Variants in RBFOX1 observed in about 807,000 individuals in gnomAD.
The protein encoded by RBFOX1 is RNA binding fox-1 homolog 1.
Under a neutral mutation model 57.7 loss-of-function variants are expected in RBFOX1, and 8 were observed. The ratio of observed to expected loss-of-function variants is 0.14; its 90% CI spans 0.08 to 0.25. RBFOX1 has a LOEUF of 0.25. Among genes scored for constraint, RBFOX1 ranks in the 10% least tolerant of loss-of-function variants. The pLI, the probability that RBFOX1 is intolerant of heterozygous loss-of-function variation, is 1.00. For synonymous variants in RBFOX1, 326 were observed against 222.4 expected (o/e 1.47, Z -4.15); for missense variants, 611 against 548.5 (o/e 1.11, Z -1.14).
chr16:7,052,447 A>G (rs149481106), intron 4 of RBFOX1, among the ~76,000 whole-genome samples: 14 of 152,212 alleles, frequency 9.2e-5, no homozygotes, highest in African/African-American at 3.4e-4. Context: ...TAATATGAAT[A>G]CCAGGCTGTT....
chr16:6,954,590 A>G (rs1211886099), intron 3 of RBFOX1, among the ~76,000 whole-genome samples: 4 of 152,098 alleles, frequency 2.6e-5, no homozygotes, highest in African/African-American at 9.7e-5. Flanking sequence ...ATGATCCTAT[A>G]TCCTCCTCAT....
At chr16:6,623,742 G>T (rs544601370) in intron 2 of RBFOX1, among the ~76,000 whole-genome samples, 5 of 152,184 alleles carry the variant, frequency 3.3e-5, no homozygotes, top group Admixed American at 2.0e-4. Context: ...ATGGTTTCCA[G>T]CTTCATCCAT....
chr16:7,565,760 C>G (rs1392371938), intron 5 of RBFOX1, among the ~76,000 whole-genome samples: 3 of 152,128 alleles, frequency 2.0e-5, no homozygotes, highest in African/African-American at 7.2e-5. Context: ...CAGCAGCTGG[C>G]TCTTCAAAGT....
At chr16:7,554,021 A>G (rs2087479117) in intron 5 of RBFOX1, among the ~76,000 whole-genome samples, 1 of 152,134 alleles carries the variant, frequency 6.6e-6, no homozygotes, top group Non-Finnish European at 1.5e-5. Context: ...CAGTGAGGGG[A>G]TCGCTTGAGC....
intron 3 of RBFOX1, among the ~76,000 whole-genome samples, chr16:5,733,311 G>T (rs946485012): frequency 7.2e-5 from 11 of 152,162 alleles, no homozygotes; most frequent in African/African-American, 2.4e-4. Flanking sequence ...GTAAACGCTA[G>T]GCTGTGGGTG....
At chr16:6,435,672 A>G (rs530860379) in intron 2 of RBFOX1, among the ~76,000 whole-genome samples, 1 of 152,150 alleles carries the variant, frequency 6.6e-6, no homozygotes, top group Non-Finnish European at 1.5e-5. Context: ...CCCATTTCCA[A>G]GTGGTTTGCC....
At chr16:6,731,830 T>A (rs1194819637) in intron 3 of RBFOX1, among the ~76,000 whole-genome samples, 1 of 152,116 alleles carries the variant, frequency 6.6e-6, no homozygotes, top group Non-Finnish European at 1.5e-5. Flanking sequence ...ATGAACAACG[T>A]TTTCTAAAAT....
At chr16:7,506,157 C>A (rs976071644) in intron 4 of RBFOX1, among the ~76,000 whole-genome samples, 2 of 124,110 alleles carry the variant, frequency 1.6e-5, no homozygotes, top group Admixed American at 2.2e-4. Flanking sequence ...TGCACTCCAG[C>A]CTGGGTGACA....
At chr16:6,607,913 A>G (rs1398989745) in intron 2 of RBFOX1, among the ~76,000 whole-genome samples, 1 of 152,198 alleles carries the variant, frequency 6.6e-6, no homozygotes, top group Non-Finnish European at 1.5e-5. Flanking sequence ...AGTTGGCAAC[A>G]TACTGAAATA....
intron 2 of RBFOX1, among the ~76,000 whole-genome samples, chr16:6,621,904 A>C (rs541626605): frequency 3.1e-4 from 47 of 152,292 alleles, no homozygotes; most frequent in Non-Finnish European, 5.6e-4. Context: ...CATGATTTAA[A>C]AAAAAAGTAA....
In RBFOX1 at chr16:6,885,083, G is replaced by A. The variant is rs145500203; in HGVS notation, c.-15-166974G>A. ...AATCTCCTGCAGAAACTGATACAGA[G>A]ACAGATCAAACCAGGACTGCTCTGA... On this transcript the variant is annotated intron_variant, in intron 3 of 15. Coordinates refer to ENST00000550418, the MANE Select transcript of RBFOX1 (RefSeq NM_018723.4). Among the ~76,000 whole-genome samples, 730 of 152,262 alleles carry A rather than the reference G, an allele frequency of 4.8e-3. 6 individuals carry two copies. Among genetic ancestry groups the A allele is most frequent in the African/African-American group, 0.017 (698 of 41,530 alleles).
At chr16:5,678,752 T>A (rs931002932) in intron 3 of RBFOX1, among the ~76,000 whole-genome samples, 7 of 152,234 alleles carry the variant, frequency 4.6e-5, no homozygotes, top group Non-Finnish European at 2.9e-5. Context: ...TGTTTCCAGA[T>A]GAAGGTGGTG....
chr16:6,623,872 C>A (rs1407576503), intron 2 of RBFOX1, among the ~76,000 whole-genome samples: 3 of 152,118 alleles, frequency 2.0e-5, no homozygotes, highest in African/African-American at 7.2e-5. Flanking sequence ...GGTTCCAAGT[C>A]TTTGCTATTG....
In RBFOX1 at chr16:7,597,180, A is replaced by G. The variant is rs369585742; in HGVS notation, c.562-191A>G. On this transcript the variant is annotated intron_variant, in intron 8 of 15. Transcript: ENST00000550418. ...TTTATTGAAATGATTTGTAAGTTAA[A>G]CGGTTATGAAGTAAATGTAATTTTA... The G allele has an allele frequency of 2.7e-4, 129 of 473,210 alleles. 1 individual carries two copies. In the East Asian group the frequency reaches 4.0e-3, roughly 15 times the overall value. 29.3% of individuals were successfully genotyped at this position (473,210 alleles called of 1,614,324 possible).
intron 4 of RBFOX1, among the ~76,000 whole-genome samples, chr16:7,259,822 T>A (rs2094846022): frequency 6.6e-6 from 1 of 152,208 alleles, no homozygotes; most frequent in Non-Finnish European, 1.5e-5. Context: ...CCAGAAAGGA[T>A]AATTTTATGT....
chr16:5,448,123 G>T (rs1217172397), intron 1 of RBFOX1, among the ~76,000 whole-genome samples: 2 of 152,202 alleles, frequency 1.3e-5, no homozygotes, highest in Non-Finnish European at 2.9e-5. Context: ...TTCTTAAATT[G>T]AGGGGTCATC....
intron 1 of RBFOX1, among the ~76,000 whole-genome samples, chr16:5,377,861 C>A (rs2066026907): frequency 6.6e-6 from 1 of 151,624 alleles, no homozygotes; most frequent in Admixed American, 6.5e-5. Flanking sequence ...GTTTAAAACA[C>A]AATCACAGGG....
rs796745489 is a variant in RBFOX1, at chr16:6,779,869, TTATA to T, written c.-16+125225_-16+125228del. On this transcript the variant is annotated intron_variant, in intron 3 of 15. Coordinates refer to ENST00000550418, the MANE Select transcript of RBFOX1 (RefSeq NM_018723.4). ...TATATATTTATATATATTTATATAT[TTATA>T]TATATTTATATATATTTATATATAT... Among the ~76,000 whole-genome samples, 4 of 3,312 alleles carry T rather than the reference TTATA, an allele frequency of 1.2e-3. 1 individual carries two copies. The highest frequency in any genetic ancestry group is 1.9e-3 in the Non-Finnish European group (4 of 2,142). The allele number at this position is 3,312 out of a possible 152,430, so 2.2% of individuals were successfully genotyped here.
chr16:6,501,106 C>G (rs1309572961), intron 2 of RBFOX1, among the ~76,000 whole-genome samples: 1 of 146,932 alleles, frequency 6.8e-6, no homozygotes, highest in Non-Finnish European at 1.5e-5. Context: ...TCTGCTGAGC[C>G]TCTTTGTCTT....
Sources: allele counts gnomAD v4.1 joint callset (sites outside exome capture counted in the v4.1 genomes callset), GRCh38; gene constraint gnomAD v4.1.1; transcripts MANE v1.5; gene names NCBI Gene and HGNC (gene_info 2026-07-23, HGNC 2026-07-21).